ZNF777: variants seen among roughly 807,000 people sequenced by gnomAD.
The protein encoded by ZNF777 is zinc finger protein 777.
ZNF777 carries 7 observed loss-of-function variants against 72.1 expected under a neutral mutation model. That is an observed-to-expected ratio of 0.10 (90% CI 0.06 to 0.18). ZNF777 has a LOEUF of 0.18. Ranked by LOEUF, ZNF777 falls within the 10% of genes least tolerant of loss-of-function variation. The pLI is 1.00. For synonymous variants in ZNF777, 545 were observed against 483.5 expected (o/e 1.13, Z -1.67); for missense variants, 828 against 1,128.6 (o/e 0.73, Z 3.82).
At chr7:149,448,572 C>T (rs6977823) in intron 4 of ZNF777, among the ~76,000 whole-genome samples, 49,159 of 105,098 alleles carry the variant, frequency 0.47, 9,766 homozygotes, top group East Asian at 0.58. Flanking sequence ...TATAGTTATA[C>T]ATATAACTAT....
At position 149,436,464 on chromosome 7, in the gene ZNF777, C is replaced by T; in HGVS notation, c.1339+111G>A. The T allele has an allele frequency of 1.5e-6, 2 of 1,299,074 alleles. No individual in the cohort carries two copies. The highest frequency in any genetic ancestry group is 2.1e-6 in the Non-Finnish European group (2 of 951,346). The allele number at this position is 1,299,074 out of a possible 1,614,324, so 80.5% of individuals were successfully genotyped here. A position where few individuals can be genotyped will look rare whatever the true frequency, so the allele number is the denominator to read the frequency against. The stretch of plus-strand genomic sequence containing the variant: ...TGGTAATTCTTTCCCACCTGTTGCC[C>T]CATCAGTGTCCAGCTACCTCTCTGA... On this transcript the variant is annotated intron_variant, in intron 5 of 5. Transcript: ENST00000247930. This position sits in a 1 kb window ranked among gnomAD's most constrained non-coding sequence, Gnocchi z 5.0.
chr7:149,451,891 A>G (rs1437496482), intron 3 of ZNF777, among the ~76,000 whole-genome samples: 1 of 152,234 alleles, frequency 6.6e-6, no homozygotes, highest in Admixed American at 6.5e-5. Context: ...TACATAAAGA[A>G]CTTCTATAAC....
In ZNF777 at chr7:149,455,629, G is replaced by T; in HGVS notation, c.394C>A (p.Pro132Thr). Residue 132 changes from proline (P) to threonine (T), a missense_variant, in exon 2 of 6, where the codon CCT becomes ACT. Transcript: ENST00000247930. This position sits in a 1 kb window ranked among gnomAD's most constrained non-coding sequence, Gnocchi z 4.2. ...PHHQEAPVHS[P>T]EAPEKDPLTL... Reference sequence around the variant, plus strand: ...AGGGGGTCTTTCTCAGGAGCTTCAGGGGAGTGAACGGGGGCTTCCTGGTGG... The same window carrying T: ...AGGGGGTCTTTCTCAGGAGCTTCAGTGGAGTGAACGGGGGCTTCCTGGTGG... 2.5e-6 allele frequency: 4 copies of T among 1,591,548 alleles called. No individual in the cohort carries two copies. The highest frequency in any genetic ancestry group is 3.4e-6 in the Non-Finnish European group (4 of 1,169,586).
Position 149,460,416 on chromosome 7 carries a change from C to T in ZNF777, c.-16+399G>A, listed in dbSNP as rs940666802. Reference sequence around the variant, plus strand: ...GCGGGCGGCCCGGCCGGCTGCGTCCCGGCGGCGAGCTGGGCCCCGGCCCTC... The same window carrying T: ...GCGGGCGGCCCGGCCGGCTGCGTCCTGGCGGCGAGCTGGGCCCCGGCCCTC... On this transcript the variant is annotated intron_variant, in intron 1 of 5. Transcript: ENST00000247930. The surrounding 1 kb of genome is among the most constrained non-coding windows in gnomAD (Gnocchi z 6.1). 5.8e-4 allele frequency among the ~76,000 whole-genome samples: 85 copies of T among 146,208 alleles called. No homozygotes were observed. Among genetic ancestry groups the T allele is most frequent in the South Asian group, 1.0e-3 (5 of 4,790 alleles).
intron 4 of ZNF777, among the ~76,000 whole-genome samples, chr7:149,437,291 T>C (rs1563234184): frequency 6.6e-6 from 1 of 152,096 alleles, no homozygotes. Context: ...GGGTTTATTT[T>C]AAAGAGATGC....
chr7:149,446,055 C>T (rs887192596), intron 4 of ZNF777, among the ~76,000 whole-genome samples: 1 of 152,280 alleles, frequency 6.6e-6, no homozygotes, highest in African/African-American at 2.4e-5. Flanking sequence ...GCTGTTTCTC[C>T]TTTCTTTTTA....
intron 3 of ZNF777, 146 bp from the exon 4 acceptor site, chr7:149,451,258 C>T (rs372274104): frequency 1.0e-5 from 7 of 693,940 alleles, no homozygotes; most frequent in African/African-American, 3.5e-5. Flanking sequence ...CCTTCTTTTC[C>T]CAAGAGCCCA....
At chr7:149,441,107 G>A (rs1037874509) in intron 4 of ZNF777, among the ~76,000 whole-genome samples, 2 of 152,148 alleles carry the variant, frequency 1.3e-5, no homozygotes, top group Non-Finnish European at 1.5e-5. Flanking sequence ...GAACGCCAGC[G>A]TTTCCCACCA....
Position 149,460,785 on chromosome 7 carries a change from C to T in ZNF777, c.-16+30G>A, listed in dbSNP as rs1392990282. On this transcript the variant is annotated intron_variant, in intron 1 of 5. Transcript: ENST00000247930. The surrounding 1 kb of genome is among the most constrained non-coding windows in gnomAD (Gnocchi z 6.1). ...AGCCCGGGCCGAACCGCCGGGGCCT[C>T]CCACCCTCCAGGACCCTCCGGCCTC... 2 of 152,372 alleles carry T rather than the reference C, an allele frequency of 1.3e-5. No individual in the cohort carries two copies. Among genetic ancestry groups the T allele is most frequent in the African/African-American group, 4.8e-5 (2 of 41,562 alleles). 9.4% of individuals were successfully genotyped at this position (152,372 alleles called of 1,614,324 possible).
chr7:149,456,101 C>T (rs865989761), intron 1 of ZNF777, 64 bp from the exon 2 acceptor site: 38 of 1,493,860 alleles, frequency 2.5e-5, no homozygotes, highest in South Asian at 1.2e-4. Context: ...CAAAATAAAA[C>T]CCAAAGACAA....
intron 4 of ZNF777, among the ~76,000 whole-genome samples, chr7:149,449,179 T>G (rs1244113786): frequency 6.6e-6 from 1 of 152,116 alleles, no homozygotes; most frequent in Non-Finnish European, 1.5e-5. Context: ...GAGGTGCGAG[T>G]GTGCGGCCCA....
At chr7:149,438,354 G>C (rs1043086360) in intron 4 of ZNF777, among the ~76,000 whole-genome samples, 31 of 152,158 alleles carry the variant, frequency 2.0e-4, no homozygotes, top group African/African-American at 7.5e-4. Context: ...ATATTCCATG[G>C]TCAGGATAAT....
In ZNF777 at chr7:149,446,000, G is replaced by A. The variant is rs1799594220; in HGVS notation, c.1087+4999C>T. ...TTCCCCAGTACCAATTTCAGATTCA[G>A]CTCACCACATCTATCCACCTGCTTC... On this transcript the variant is annotated intron_variant, in intron 4 of 5. Transcript: ENST00000247930. 2.0e-5 allele frequency among the ~76,000 whole-genome samples: 3 copies of A among 152,182 alleles called. No individual in the cohort carries two copies. The South Asian group carries it at 6.2e-4, about 31-fold the overall frequency.
chr7:149,441,573 T>C (rs1799515982), intron 4 of ZNF777, among the ~76,000 whole-genome samples: 1 of 152,180 alleles, frequency 6.6e-6, no homozygotes. Flanking sequence ...TGTAGCTTGC[T>C]GTTGCCATCA....
At position 149,455,129 on chromosome 7, in the gene ZNF777, T is replaced by C; in HGVS notation, c.846+48A>G. 1 of 1,567,806 alleles carries C rather than the reference T, an allele frequency of 6.4e-7. No homozygotes were observed. Among genetic ancestry groups the C allele is most frequent in the Non-Finnish European group, 8.6e-7 (1 of 1,160,590 alleles). ...ATTACACTACATTCCTAAACCACAC[T>C]CCAATTCAGATCACTTCCTTGGGAA... On this transcript the variant is annotated intron_variant, in intron 2 of 5. Coordinates refer to ENST00000247930, the MANE Select transcript of ZNF777 (RefSeq NM_015694.3). This position sits in a 1 kb window ranked among gnomAD's most constrained non-coding sequence, Gnocchi z 4.2.
chr7:149,455,650 G>C lies in ZNF777; in HGVS notation c.373C>G (p.Gln125Glu), dbSNP rs745311110. ...TCAGGGGAGTGAACGGGGGCTTCCTGGTGGTGGGGGGAGTGGGAGAGAAGG... is the reference window on the plus strand; with the variant it reads ...TCAGGGGAGTGAACGGGGGCTTCCTCGTGGTGGGGGGAGTGGGAGAGAAGG... The part of the protein sequence containing the change: ...VSLLSHSPHH[Q>E]EAPVHSPEAP... The change falls in exon 2 of 6, where the codon CAG (glutamine) becomes GAG (glutamate). Residue 125 changes from glutamine (Q) to glutamate (E), a missense_variant. Gln to Glu is a conservative substitution (Grantham distance 29, BLOSUM62 2). Transcript: ENST00000247930. This position sits in a 1 kb window ranked among gnomAD's most constrained non-coding sequence, Gnocchi z 4.2. 2 of 1,565,474 alleles carry C rather than the reference G, an allele frequency of 1.3e-6. No homozygotes were observed. Among genetic ancestry groups the C allele is most frequent in the East Asian group, 2.2e-5 (1 of 44,452 alleles).
In ZNF777 at chr7:149,431,499, G is replaced by C. The variant is rs781560784; in HGVS notation, c.*277C>G. On this transcript the variant is annotated 3_prime_UTR_variant, in exon 6 of 6. Transcript: ENST00000247930. ...GCGGCCAAATCACGCCCCCCGTGCT[G>C]ATTGGTTTCATCCATTTTATTGTCA... is the stretch of plus-strand genomic sequence containing the variant. 2.2e-6 allele frequency: 1 copy of C among 452,328 alleles called. No individual in the cohort carries two copies. The highest frequency in any genetic ancestry group is 4.4e-6 in the Non-Finnish European group (1 of 225,920). 28.0% of individuals were successfully genotyped at this position (452,328 alleles called of 1,614,324 possible). A position where few individuals can be genotyped will look rare whatever the true frequency, so the allele number is the denominator to read the frequency against.
At position 149,431,724 on chromosome 7, in the gene ZNF777, AG is replaced by A. The variant is rs558272897; in HGVS notation, c.*51del. ...CTGGGCTCGGGCCTGGCGGTGTCCG[AG>A]GGGGGGCACGGCCCGCGCACCTGGC... On this transcript the variant is annotated 3_prime_UTR_variant, in exon 6 of 6. Coordinates refer to ENST00000247930, the MANE Select transcript of ZNF777 (RefSeq NM_015694.3). 2,188 of 1,265,196 alleles carry A rather than the reference AG, an allele frequency of 1.7e-3. 30 individuals are homozygous for A. The African/African-American group carries it at 0.032, about 18-fold the overall frequency. The allele number at this position is 1,265,196 out of a possible 1,614,324, so 78.4% of individuals were successfully genotyped here. A position where few individuals can be genotyped will look rare whatever the true frequency, so the allele number is the denominator to read the frequency against.
intron 4 of ZNF777, among the ~76,000 whole-genome samples, chr7:149,448,502 T>TAC (rs1799647277): frequency 7.5e-6 from 1 of 132,698 alleles, no homozygotes; most frequent in Non-Finnish European, 1.6e-5. Flanking sequence ...TATATATATA[T>TAC]ATATATATAA....
Sources: allele counts gnomAD v4.1 joint callset (sites outside exome capture counted in the v4.1 genomes callset), GRCh38; gene constraint gnomAD v4.1.1; non-coding constraint Gnocchi (gnomAD v3.1); transcripts MANE v1.5; gene names NCBI Gene and HGNC (gene_info 2026-07-23, HGNC 2026-07-21).